Variants in SUGP2 observed in about 807,000 individuals in gnomAD.
SUGP2 encodes SURP and G-patch domain-containing protein 2.
SUGP2 carries 24 observed loss-of-function variants against 90.5 expected under a neutral mutation model. The observed-to-expected ratio is 0.27, with a 90% confidence interval of 0.19 to 0.37. SUGP2 has a LOEUF of 0.37. SUGP2 is among the 10% of genes least tolerant of loss of function. SUGP2 has a pLI of 1.00. For missense variants in SUGP2, 1,233 were observed against 1,363.3 expected, an observed-to-expected ratio of 0.90 and a Z score of 1.51; for synonymous variants, 473 against 513.4, an observed-to-expected ratio of 0.92 and a Z score of 1.06.
chr19:19,013,900 G>C (rs1264810134), intron 4 of SUGP2, among the ~76,000 whole-genome samples: 2 of 152,192 alleles, frequency 1.3e-5, no homozygotes, highest in African/African-American at 4.8e-5. Flanking sequence ...TTGATGCTTT[G>C]CACTCTCTCA....
upstream of SUGP2, chr19:19,033,542 C>A: frequency 7.7e-7 from 1 of 1,303,850 alleles, no homozygotes; most frequent in Non-Finnish European, 9.7e-7. Flanking sequence ...ACGGTCTCCG[C>A]AGCGCCGCGC....
intron 8 of SUGP2, among the ~76,000 whole-genome samples, chr19:18,999,283 A>G (rs1238951638): frequency 6.6e-6 from 1 of 152,134 alleles, no homozygotes; most frequent in Non-Finnish European, 1.5e-5. Flanking sequence ...TCACTGGCAG[A>G]CAGGAGGACA....
chr19:19,033,571 C>A, upstream of SUGP2: 3 of 1,234,614 alleles, frequency 2.4e-6, no homozygotes, highest in Non-Finnish European at 3.0e-6. Flanking sequence ...CGCAAGCCGC[C>A]GCCGAGTCCT....
chr19:19,025,510 C>T lies in SUGP2; in HGVS notation c.838G>A (p.Val280Met). The T allele has an allele frequency of 1.2e-6, 2 of 1,614,140 alleles. No individual in the cohort carries two copies. Among genetic ancestry groups the T allele is most frequent in the Non-Finnish European group, 1.7e-6 (2 of 1,180,014 alleles). The change falls in exon 3 of 11, where the codon GTG becomes ATG. Residue 280 changes from valine (V) to methionine (M), a missense_variant. Physicochemically the swap from Val to Met is conservative, Grantham distance 21 (BLOSUM62 1). Around this residue, in one of 8 missense-constraint regions of SUGP2, gnomAD observed 418 missense variants for 399.9 expected, o/e 1.05. Transcript: ENST00000452918. ...QIQKNTPSPD[V>M]TLGTNPGTED... ...GTCCCTGGGTTTGTCCCCAGGGTCA[C>T]ATCAGGACTTGGAGTGTTTTTCTGG...
intron 2 of SUGP2, 38 bp downstream of exon 2, chr19:19,030,913 A>C: frequency 6.3e-7 from 1 of 1,592,016 alleles, no homozygotes; most frequent in African/African-American, 1.3e-5. Flanking sequence ...ATACACCCCT[A>C]CCAAAACAAC....
At position 18,991,109 on chromosome 19, in the gene SUGP2, A is replaced by G. The variant is rs1435465550; in HGVS notation, c.*2632T>C. 1 of 152,096 alleles carries G rather than the reference A, an allele frequency of 6.6e-6. No individual in the cohort carries two copies. The highest frequency in any genetic ancestry group is 1.5e-5 in the Non-Finnish European group (1 of 68,014). The allele number at this position is 152,096 out of a possible 1,614,324, so 9.4% of individuals were successfully genotyped here. ...AAAGCACCCAGAGTGGCGAGAGAGCACTTCCAGATGCCTGTTGTCCTCTCG... is the reference window on the plus strand; with the variant it reads ...AAAGCACCCAGAGTGGCGAGAGAGCGCTTCCAGATGCCTGTTGTCCTCTCG... On this transcript the variant is annotated 3_prime_UTR_variant, in exon 11 of 11. Coordinates refer to ENST00000452918, the MANE Select transcript of SUGP2 (RefSeq NM_001017392.5).
rs376272440 is a variant in SUGP2, at chr19:19,004,141, C to G, written c.2929+27G>C. ...CACCAACCAAGAACTGTGCTAGAGG[C>G]AACTGTGCCGACAGGCGGGCACTCA... On this transcript the variant is annotated intron_variant, in intron 7 of 10. Coordinates refer to ENST00000452918, the MANE Select transcript of SUGP2 (RefSeq NM_001017392.5). 6.0e-5 allele frequency: 90 copies of G among 1,506,068 alleles called. 1 individual carries two copies. The African/African-American group carries it at 1.2e-3, about 20-fold the overall frequency. 93.3% of individuals were successfully genotyped at this position (1,506,068 alleles called of 1,614,324 possible).
chr19:19,021,359 C>G (rs1439728587), intron 3 of SUGP2, among the ~76,000 whole-genome samples: 1 of 152,074 alleles, frequency 6.6e-6, no homozygotes, highest in Non-Finnish European at 1.5e-5. Flanking sequence ...TGAGTCAATC[C>G]TTCAACTGCC....
intron 8 of SUGP2, among the ~76,000 whole-genome samples, chr19:18,997,056 G>A (rs879671687): frequency 6.6e-6 from 1 of 152,072 alleles, no homozygotes; most frequent in African/African-American, 2.4e-5. Flanking sequence ...CATGCTGAGT[G>A]CTGTGAGCTC....
intron 6 of SUGP2, 43 bp downstream of exon 6, chr19:19,008,274 C>T (rs1462869572): frequency 4.0e-6 from 6 of 1,486,792 alleles, no homozygotes; most frequent in South Asian, 2.3e-5. Flanking sequence ...CTTTGTCTCT[C>T]TGAGAAAGAA....
chr19:19,013,735 TGA>T (rs1190884414), intron 4 of SUGP2, among the ~76,000 whole-genome samples: 7 of 152,232 alleles, frequency 4.6e-5, no homozygotes, highest in Admixed American at 4.6e-4. Flanking sequence ...CTTGTTTTCC[TGA>T]GTGTGTGAAC....
intron 3 of SUGP2, among the ~76,000 whole-genome samples, chr19:19,020,410 C>T (rs574983685): frequency 4.2e-5 from 6 of 144,452 alleles, no homozygotes; most frequent in Non-Finnish European, 6.1e-5. Context: ...CCAGCCTGAG[C>T]GTCAGAGTGA....
At chr19:19,033,323 C>T in intron 1 of SUGP2, 114 bp downstream of exon 1, 1 of 1,081,622 alleles carries the variant, frequency 9.2e-7, no homozygotes, top group Non-Finnish European at 1.1e-6. Context: ...GCCGCCGCAG[C>T]CAGAGGGCCG....
chr19:19,009,971 G>T lies in SUGP2; in HGVS notation c.2222C>A (p.Pro741Gln), dbSNP rs777301801. 1 of 1,614,172 alleles carries T rather than the reference G, an allele frequency of 6.2e-7. No homozygotes were observed. The highest frequency in any genetic ancestry group is 8.5e-7 in the Non-Finnish European group (1 of 1,180,034). The change falls in exon 5 of 11, where the codon CCA (proline) becomes CAA (glutamine). Residue 741 changes from proline (P) to glutamine (Q), a missense_variant. Pro to Gln is a moderately conservative substitution (Grantham distance 76). Around this residue, in one of 8 missense-constraint regions of SUGP2, gnomAD observed 540 missense variants for 542.6 expected, o/e 1.00. Transcript: ENST00000452918. Reference protein sequence around the residue: ...NDAAKDCPPDPVGPSPQDPSL... With the variant: ...NDAAKDCPPDQVGPSPQDPSL... ...GGGGTCCTGAGGAGAAGGTCCAACT[G>T]GGTCTGGCGGGCAGTCCTTGGCAGC... is the stretch of plus-strand genomic sequence containing the variant.
At position 19,024,632 on chromosome 19, in the gene SUGP2, A is replaced by C. The variant is rs193049446; in HGVS notation, c.1716T>G (p.Ser572Arg). ...TGATTTCCTTACCATCACTCAGACTACTTGGAGCCTTGGCCTGAATTTCAG... is the reference window on the plus strand; with the variant it reads ...TGATTTCCTTACCATCACTCAGACTCCTTGGAGCCTTGGCCTGAATTTCAG... ...TKPEIQAKAP[S>R]SLSDAVPQRA... Residue 572 changes from serine to arginine, a missense_variant, in exon 3 of 11, where the codon AGT becomes AGG. Ser to Arg is a moderately radical substitution (Grantham distance 110). Coordinates refer to ENST00000452918, the MANE Select transcript of SUGP2 (RefSeq NM_001017392.5). 1 of 1,613,792 alleles carries C rather than the reference A, an allele frequency of 6.2e-7. No individual in the cohort carries two copies. The highest frequency in any genetic ancestry group is 1.7e-5 in the Admixed American group (1 of 59,970).
intron 3 of SUGP2, among the ~76,000 whole-genome samples, chr19:19,022,066 C>T (rs2058748804): frequency 6.6e-6 from 1 of 152,036 alleles, no homozygotes; most frequent in Non-Finnish European, 1.5e-5. Flanking sequence ...CTCACTGCAA[C>T]CTCTGCCTCC....
intron 2 of SUGP2, among the ~76,000 whole-genome samples, 177 bp downstream of exon 2, chr19:19,030,774 A>C (rs2059122754): frequency 6.6e-6 from 1 of 152,146 alleles, no homozygotes; most frequent in Admixed American, 6.6e-5. Context: ...GGAGAGAGTA[A>C]GACCCTATCA....
intron 6 of SUGP2, 47 bp downstream of exon 6, chr19:19,008,270 C>A (rs367626678): frequency 3.9e-5 from 57 of 1,456,136 alleles, no homozygotes; most frequent in Non-Finnish European, 4.8e-5. Context: ...TAGACTTTGT[C>A]TCTCTGAGAA....
chr19:19,010,911 G>A (rs906657622), intron 4 of SUGP2, among the ~76,000 whole-genome samples: 8 of 152,066 alleles, frequency 5.3e-5, no homozygotes, highest in Admixed American at 2.0e-4. Context: ...AGGCTGAGGC[G>A]GGAGGATTGC....
Sources: allele counts gnomAD v4.1 joint callset (sites outside exome capture counted in the v4.1 genomes callset), GRCh38; gene constraint gnomAD v4.1.1; regional missense constraint gnomAD v4.1.1; transcripts MANE v1.5; gene names NCBI Gene and HGNC (gene_info 2026-07-23, HGNC 2026-07-21).